The following CUX1 variants were observed in gnomAD, a reference collection of about 807,000 sequenced individuals.
CUX1 encodes protein CASP.
CUX1 carries 31 observed loss-of-function variants against 158.8 expected under a neutral mutation model. That is an observed-to-expected ratio of 0.20 (90% CI 0.15 to 0.26). The LOEUF (loss-of-function observed/expected upper bound fraction) is 0.26. CUX1 is among the 10% of genes least tolerant of loss of function. The pLI is 1.00. For missense variants in CUX1, 1,589 were observed against 2,014.6 expected (o/e 0.79, Z 4.04); for synonymous variants, 879 against 862.1 (o/e 1.02, Z -0.34).
At chr7:102,178,416 G>C (rs782044993) in intron 10 of CUX1, 53 bp from the exon 11 acceptor site, 2 of 1,520,332 alleles carry the variant, frequency 1.3e-6, no homozygotes, top group Non-Finnish European at 1.8e-6. Context: ...AGGTAGCCTC[G>C]AGCACCCGCC....
At chr7:101,861,422 G>A (rs1469863608) in intron 1 of CUX1, among the ~76,000 whole-genome samples, 3 of 152,150 alleles carry the variant, frequency 2.0e-5, no homozygotes, top group Non-Finnish European at 4.4e-5. Flanking sequence ...TTTGCAACCC[G>A]TTTTTTCCCC....
At chr7:101,918,817 C>T (rs1804545333) in intron 2 of CUX1, among the ~76,000 whole-genome samples, 2 of 152,202 alleles carry the variant, frequency 1.3e-5, no homozygotes, top group African/African-American at 4.8e-5. Flanking sequence ...GAGGACCACC[C>T]AATCGCTCAG....
intron 2 of CUX1, among the ~76,000 whole-genome samples, chr7:102,022,159 G>A (rs17134993): frequency 0.035 from 5,310 of 152,210 alleles, 344 homozygotes; most frequent in African/African-American, 0.12. Flanking sequence ...CCGCTCGTAC[G>A]TTACAGGTGC....
At chr7:102,102,487 G>A (rs994489965) in intron 5 of CUX1, among the ~76,000 whole-genome samples, 3 of 140,978 alleles carry the variant, frequency 2.1e-5, no homozygotes, top group Admixed American at 1.4e-4. Flanking sequence ...GGTGTTAATC[G>A]CCCAGGTGTT....
At chr7:101,969,607 G>A (rs779058313) in intron 2 of CUX1, among the ~76,000 whole-genome samples, 4 of 152,092 alleles carry the variant, frequency 2.6e-5, no homozygotes, top group Admixed American at 6.6e-5. Context: ...CTTTTTAGCG[G>A]TCGAAGGGAA....
chr7:101,836,203 G>A (rs1794607712), intron 1 of CUX1, among the ~76,000 whole-genome samples: 1 of 152,150 alleles, frequency 6.6e-6, no homozygotes, highest in Non-Finnish European at 1.5e-5. Context: ...TTGTTCTCCA[G>A]AATGCTGCTT....
chr7:102,010,396 C>CAAAAA (rs35965710), intron 2 of CUX1, among the ~76,000 whole-genome samples: 2 of 90,254 alleles, frequency 2.2e-5, no homozygotes, highest in Admixed American at 1.2e-4. Context: ...GACTCTGTCT[C>CAAAAA]AAAAAAAAAA....
chr7:102,047,025 G>C (rs536408987), intron 3 of CUX1, among the ~76,000 whole-genome samples: 2 of 152,230 alleles, frequency 1.3e-5, no homozygotes, highest in East Asian at 1.9e-4. Flanking sequence ...CTGTAACCCT[G>C]TCCCCTTCCA....
At chr7:102,246,024 A>G (rs1358970332) in intron 23 of CUX1, among the ~76,000 whole-genome samples, 1 of 152,120 alleles carries the variant, frequency 6.6e-6, no homozygotes, top group African/African-American at 2.4e-5. Flanking sequence ...ACAGAATGCT[A>G]TGGCTATGAG....
chr7:102,178,677 C>CG lies in CUX1; in HGVS notation c.1017+25dup. 9 of 1,591,142 alleles carry CG rather than the reference C, an allele frequency of 5.7e-6. No homozygotes were observed. The highest frequency in any genetic ancestry group is 6.9e-6 in the Non-Finnish European group (8 of 1,167,608). On this transcript the variant is annotated intron_variant, in intron 11 of 23. Coordinates refer to ENST00000292535, the MANE Select transcript of CUX1 (RefSeq NM_181552.4). ...CTCAAAGTAAGGGGGCTGCGGGGCC[C>CG]GGGGGTGGCCCGAGGAGGCAGGGCG...
chr7:101,981,095 G>T (rs1239672692), intron 2 of CUX1, among the ~76,000 whole-genome samples: 1 of 152,142 alleles, frequency 6.6e-6, no homozygotes, highest in African/African-American at 2.4e-5. Flanking sequence ...AGATGACCTA[G>T]GGAGAGGCCT....
chr7:102,254,596 G>C lies in CUX1; in HGVS notation c.*5554G>C. Reference sequence around the variant, plus strand: ...TTCCCCTGCTGGAGACAGTTTGCAAGTAAGAACCTAAGGATGGGGACAGCA... The same window carrying C: ...TTCCCCTGCTGGAGACAGTTTGCAACTAAGAACCTAAGGATGGGGACAGCA... On this transcript the variant is annotated 3_prime_UTR_variant, in exon 24 of 24. Coordinates refer to ENST00000292535, the MANE Select transcript of CUX1 (RefSeq NM_181552.4). 2 of 985,448 alleles carry C rather than the reference G, an allele frequency of 2.0e-6. No homozygotes were observed. Among genetic ancestry groups the C allele is most frequent in the Non-Finnish European group, 2.4e-6 (2 of 829,940 alleles). 61.0% of individuals were successfully genotyped at this position (985,448 alleles called of 1,614,324 possible). A position where few individuals can be genotyped will look rare whatever the true frequency, so the allele number is the denominator to read the frequency against.
rs544091009 is a variant in CUX1 at position 101,955,466 on chromosome 7, G to A, written c.141+39241G>A. Among the ~76,000 whole-genome samples the A allele has an allele frequency of 1.6e-4, 24 of 152,298 alleles. No individual in the cohort carries two copies. In the South Asian group the frequency reaches 4.8e-3, roughly 30 times the overall value. On this transcript the variant is annotated intron_variant, in intron 2 of 23. Transcript: ENST00000292535. ...GAGGGAACTGAGCCCAAGCCATTCA[G>A]CCAGAGAGTAACCGAGCTGGAGTTC...
chr7:101,898,335 G>T (rs1382294083), intron 1 of CUX1, among the ~76,000 whole-genome samples: 1 of 152,008 alleles, frequency 6.6e-6, no homozygotes, highest in East Asian at 1.9e-4. Flanking sequence ...TTTTATTCCA[G>T]AAGTCAGATC....
chr7:102,132,733 G>A (rs1395130835), intron 8 of CUX1, among the ~76,000 whole-genome samples: 2 of 139,786 alleles, frequency 1.4e-5, no homozygotes, highest in Admixed American at 7.3e-5. Flanking sequence ...TTGCAGTGGC[G>A]CAATCTCTGC....
At chr7:102,208,283 G>A (rs1238165610) in intron 20 of CUX1, among the ~76,000 whole-genome samples, 2 of 152,046 alleles carry the variant, frequency 1.3e-5, no homozygotes, top group African/African-American at 2.4e-5. Flanking sequence ...TCACTCTGTC[G>A]CCTAGGCTGG....
Position 101,835,117 on chromosome 7 carries a change from G to A in CUX1, c.30+17448G>A, listed in dbSNP as rs369018567. On this transcript the variant is annotated intron_variant, in intron 1 of 23. Transcript: ENST00000292535. ...AGTTCCAAAACGTTTCCAACACCCC[G>A]ACAAGAAACTCCCATACCTGTCAGC... Among the ~76,000 whole-genome samples, 17 of 152,096 alleles carry A rather than the reference G, an allele frequency of 1.1e-4. 1 individual carries two copies. In the East Asian group the frequency reaches 2.1e-3, roughly 19 times the overall value.
At chr7:101,898,303 G>A (rs1434263994) in intron 1 of CUX1, among the ~76,000 whole-genome samples, 1 of 152,060 alleles carries the variant, frequency 6.6e-6, no homozygotes, top group African/African-American at 2.4e-5. Context: ...TCCATGTTAC[G>A]GCTGCCACTC....
At chr7:102,169,154 A>T (rs1791439643) in intron 9 of CUX1, among the ~76,000 whole-genome samples, 1 of 151,664 alleles carries the variant, frequency 6.6e-6, no homozygotes, top group African/African-American at 2.4e-5. Flanking sequence ...GCTGGTCTCG[A>T]ACTCCTGACC....
Sources: gnomAD v4.1 joint callset for allele counts (sites outside exome capture counted in the v4.1 genomes callset) on GRCh38, gnomAD v4.1.1 for gene constraint, MANE v1.5 for transcripts, NCBI Gene and HGNC (gene_info 2026-07-23, HGNC 2026-07-21) for gene names.